PRMT3: variants seen among roughly 807,000 people sequenced by gnomAD.
PRMT3 encodes protein arginine N-methyltransferase 3.
Under a neutral mutation model 71.9 loss-of-function variants are expected in PRMT3, and 62 were observed. The observed-to-expected ratio is 0.86, with a 90% CI of 0.70 to 1.07. PRMT3 has a LOEUF of 1.07. Ranked by LOEUF, PRMT3 falls within the 50% of genes least tolerant of loss-of-function variation. The pLI is 0.00. For synonymous variants in PRMT3, 213 were observed against 220.4 expected (o/e 0.97, Z 0.30); for missense variants, 663 against 643.0 (o/e 1.03, Z -0.34).
At position 20,479,698 on chromosome 11, in the gene PRMT3, AAGAAACGC is replaced by A. The variant is rs1850884474; in HGVS notation, c.1348-14220_1348-14213del. Among the ~76,000 whole-genome samples the A allele has an allele frequency of 9.2e-5, 14 of 152,304 alleles. No homozygotes were observed. In the South Asian group the frequency reaches 2.9e-3, roughly 32 times the overall value. ...TTTTTTTAAAGAATCTCACAACAAT[AAGAAACGC>A]CTAAGAGTGACGAGGCAAAAGTACT... is the stretch of plus-strand genomic sequence containing the variant. On this transcript the variant is annotated intron_variant, in intron 13 of 15. Transcript: ENST00000331079.
chr11:20,444,024 T>G (rs1436269380), intron 10 of PRMT3, among the ~76,000 whole-genome samples: 1 of 150,896 alleles, frequency 6.6e-6, no homozygotes, highest in African/African-American at 2.4e-5. Context: ...TTACCATGAT[T>G]CTTCTTCTTG....
intron 15 of PRMT3, among the ~76,000 whole-genome samples, chr11:20,503,310 T>A (rs1367253368): frequency 1.3e-5 from 2 of 152,202 alleles, no homozygotes; most frequent in Non-Finnish European, 2.9e-5. Flanking sequence ...TGAGTCTTCA[T>A]AATTGATCTT....
chr11:20,485,160 G>T (rs1851041238), intron 13 of PRMT3, among the ~76,000 whole-genome samples: 1 of 152,138 alleles, frequency 6.6e-6, no homozygotes, highest in Admixed American at 6.5e-5. Context: ...AAGTCATCTG[G>T]GTGGTCCAGG....
At chr11:20,420,490 T>G (rs902494573) in intron 9 of PRMT3, among the ~76,000 whole-genome samples, 1 of 152,120 alleles carries the variant, frequency 6.6e-6, no homozygotes, top group African/African-American at 2.4e-5. Context: ...GTGAACATAA[T>G]CGTCTGAGCG....
At chr11:20,498,472 T>TA (rs1851382873) in intron 15 of PRMT3, among the ~76,000 whole-genome samples, 1 of 152,216 alleles carries the variant, frequency 6.6e-6, no homozygotes, top group Non-Finnish European at 1.5e-5. Flanking sequence ...CTCATGCCTG[T>TA]AATCCTAGCA....
intron 5 of PRMT3, among the ~76,000 whole-genome samples, chr11:20,394,512 T>G (rs545184687): frequency 6.6e-6 from 1 of 152,296 alleles, no homozygotes; most frequent in Admixed American, 6.5e-5. Context: ...AGGTATACAA[T>G]GTGATGATTT....
At chr11:20,475,304 C>CAGTTGGTTCATCACCCCACCCTGCTTT (rs1850753371) in intron 13 of PRMT3, among the ~76,000 whole-genome samples, 2 of 152,264 alleles carry the variant, frequency 1.3e-5, no homozygotes, top group Admixed American at 6.5e-5. Flanking sequence ...GTGCCGCTCC[C>CAGTTGGTTCATCACCCCACCCTGCTTT]AGTTGGTTCA....
At chr11:20,464,325 C>A in intron 12 of PRMT3, 135 bp from the exon 13 acceptor site, 3 of 1,267,390 alleles carry the variant, frequency 2.4e-6, no homozygotes, top group Non-Finnish European at 3.1e-6. Flanking sequence ...GTAAAGTTTG[C>A]AAAACTTTGG....
At position 20,400,251 on chromosome 11, in the gene PRMT3, G is replaced by C. The variant is rs1848919122; in HGVS notation, c.705+2530G>C. On this transcript the variant is annotated intron_variant, in intron 7 of 15. Coordinates refer to ENST00000331079, the MANE Select transcript of PRMT3 (RefSeq NM_005788.4). The stretch of plus-strand genomic sequence containing the variant: ...CCTTGTTTTTATAGAGTATAATTTG[G>C]ATTTTTTGTTGCTTGGCTTCATGTC... 2.0e-5 allele frequency among the ~76,000 whole-genome samples: 3 copies of C among 152,052 alleles called. No individual in the cohort carries two copies. The South Asian group carries it at 6.2e-4, about 31-fold the overall frequency.
chr11:20,398,388 T>C (rs1848877167), intron 7 of PRMT3, among the ~76,000 whole-genome samples: 1 of 152,236 alleles, frequency 6.6e-6, no homozygotes, highest in Admixed American at 6.5e-5. Context: ...AGTTGTGCAC[T>C]GCATGCTAGT....
intron 9 of PRMT3, among the ~76,000 whole-genome samples, chr11:20,421,166 T>C (rs1849417268): frequency 6.6e-6 from 1 of 152,116 alleles, no homozygotes. Context: ...GCTTCTCGAG[T>C]AGCCGGGACC....
intron 10 of PRMT3, among the ~76,000 whole-genome samples, chr11:20,431,886 C>T (rs749066334): frequency 3.3e-5 from 5 of 151,984 alleles, no homozygotes; most frequent in Admixed American, 1.3e-4. Flanking sequence ...ATTCCCATTC[C>T]GCAGTACTGT....
At chr11:20,404,478 C>T (rs539166847) in intron 8 of PRMT3, among the ~76,000 whole-genome samples, 6 of 151,744 alleles carry the variant, frequency 4.0e-5, no homozygotes, top group East Asian at 1.9e-4. Flanking sequence ...GTGATCCGCC[C>T]GCCTCGGCCT....
At chr11:20,437,587 G>A (rs1849788235) in intron 10 of PRMT3, among the ~76,000 whole-genome samples, 1 of 149,736 alleles carries the variant, frequency 6.7e-6, no homozygotes, top group Non-Finnish European at 1.5e-5. Context: ...CAGCAGCATA[G>A]TTTTTTTTGT....
chr11:20,465,977 G>A (rs1287835001), intron 13 of PRMT3, among the ~76,000 whole-genome samples: 3 of 152,008 alleles, frequency 2.0e-5, no homozygotes, highest in Non-Finnish European at 2.9e-5. Context: ...AGAATAAATT[G>A]TCATGTCACC....
At chr11:20,479,318 G>A (rs1850872065) in intron 13 of PRMT3, among the ~76,000 whole-genome samples, 1 of 152,118 alleles carries the variant, frequency 6.6e-6, no homozygotes, top group Non-Finnish European at 1.5e-5. Flanking sequence ...GAGAGGTATT[G>A]GGAATGTAGT....
intron 8 of PRMT3, chr11:20,406,764 A>G (rs1849080720): frequency 6.6e-6 from 1 of 152,128 alleles, no homozygotes; most frequent in Non-Finnish European, 1.5e-5. Context: ...TATTCCCACC[A>G]GCAGTGCACA....
At chr11:20,407,832 A>G (rs2133322612) in intron 8 of PRMT3, 79 bp from the exon 9 acceptor site, 2 of 1,364,928 alleles carry the variant, frequency 1.5e-6, no homozygotes, top group East Asian at 2.4e-5. Flanking sequence ...CAGAAACATC[A>G]TAATATATGA....
chr11:20,509,268 A>G lies in PRMT3; in HGVS notation c.*855A>G, dbSNP rs1322772586. ...GTAGAATAAAATTTTAATAAAATGTATCAACTTATAAAATATTTTAAAAAT... is the reference window on the plus strand; with the variant it reads ...GTAGAATAAAATTTTAATAAAATGTGTCAACTTATAAAATATTTTAAAAAT... On this transcript the variant is annotated 3_prime_UTR_variant, in exon 16 of 16. Transcript: ENST00000331079. The G allele has an allele frequency of 6.3e-5, 3 of 47,640 alleles. No individual in the cohort carries two copies. Among genetic ancestry groups the G allele is most frequent in the Non-Finnish European group, 2.6e-4 (2 of 7,688 alleles). 3.0% of individuals were successfully genotyped at this position (47,640 alleles called of 1,614,324 possible).
Sources: gnomAD v4.1 joint callset for allele counts (sites outside exome capture counted in the v4.1 genomes callset) on GRCh38, gnomAD v4.1.1 for gene constraint, MANE v1.5 for transcripts, NCBI Gene and HGNC (gene_info 2026-07-23, HGNC 2026-07-21) for gene names.